ZBTB1: variants seen among roughly 807,000 people sequenced by gnomAD.
The protein encoded by ZBTB1 is zinc finger and BTB domain-containing protein 1.
In ZBTB1, 13 loss-of-function variants were observed where a neutral mutation model predicts 51.6. That is an observed-to-expected ratio of 0.25 (90% CI 0.16 to 0.40). The LOEUF (loss-of-function observed/expected upper bound fraction) is 0.40. ZBTB1 is among the 10% of genes least tolerant of loss of function. ZBTB1 has a pLI of 1.00. For synonymous variants in ZBTB1, 240 were observed against 282.2 expected (o/e 0.85, Z 1.50); for missense variants, 567 against 856.5 (o/e 0.66, Z 4.22).
chr14:64,520,028 G>A (rs2079843902), intron 1 of ZBTB1, among the ~76,000 whole-genome samples: 2 of 151,906 alleles, frequency 1.3e-5, no homozygotes, highest in Non-Finnish European at 2.9e-5. Context: ...TTGAAACGGA[G>A]TCTCGCTCTG....
chr14:64,527,034 A>G (rs1351005827), downstream of ZBTB1, among the ~76,000 whole-genome samples: 1 of 152,094 alleles, frequency 6.6e-6, no homozygotes, highest in African/African-American at 2.4e-5. Flanking sequence ...TGACAGAGTG[A>G]GACTCCATCT....
chr14:64,524,682 ATGTCT>A lies in ZBTB1; in HGVS notation c.*1040_*1044del. The A allele has an allele frequency of 3.0e-6, 3 of 985,122 alleles. No individual in the cohort carries two copies. The highest frequency in any genetic ancestry group is 4.7e-5 in the South Asian group (1 of 21,290). 61.0% of individuals were successfully genotyped at this position (985,122 alleles called of 1,614,324 possible). On this transcript the variant is annotated 3_prime_UTR_variant, in exon 2 of 2. Coordinates refer to ENST00000683701, the MANE Select transcript of ZBTB1 (RefSeq NM_001123329.2). ...CTATAAAAGTAGAGTGCACAAAAAA[ATGTCT>A]TGTGTTTTATACTGTCTAAGATTTG...
chr14:64,504,546 G>A (rs1566626754), upstream of ZBTB1: 2 of 183,734 alleles, frequency 1.1e-5, no homozygotes, highest in Admixed American at 6.2e-5. Flanking sequence ...CCCGCGGTGC[G>A]GGTTGCGCCA....
chr14:64,527,470 G>T (rs2079912088), downstream of ZBTB1, among the ~76,000 whole-genome samples: 1 of 152,146 alleles, frequency 6.6e-6, no homozygotes, highest in South Asian at 2.1e-4. Context: ...AATTAGCCAG[G>T]CATGTTGGCA....
At chr14:64,508,898 C>T (rs1475769267) in intron 1 of ZBTB1, among the ~76,000 whole-genome samples, 1 of 152,200 alleles carries the variant, frequency 6.6e-6, no homozygotes, top group East Asian at 1.9e-4. Context: ...TGAGATACTG[C>T]CCTGATGTCA....
At chr14:64,506,891 C>A (rs1291073861) in intron 1 of ZBTB1, among the ~76,000 whole-genome samples, 1 of 152,198 alleles carries the variant, frequency 6.6e-6, no homozygotes, top group Non-Finnish European at 1.5e-5. Flanking sequence ...TTGCTCTTGA[C>A]CTTGTGCTTT....
chr14:64,508,053 G>A (rs1054248722), intron 1 of ZBTB1, among the ~76,000 whole-genome samples: 12 of 152,176 alleles, frequency 7.9e-5, no homozygotes, highest in African/African-American at 2.7e-4. Context: ...GGGAGGAAGC[G>A]GCAGGGTCTC....
exon 3 of ZBTB1, chr14:64,533,622 G>A (rs2079960004): frequency 6.6e-6 from 1 of 152,368 alleles, no homozygotes; most frequent in African/African-American, 2.4e-5. Flanking sequence ...TTGGGTTAAA[G>A]TACTTTTATT....
At chr14:64,531,573 C>G (rs780534253) in intron 2 of ZBTB1, among the ~76,000 whole-genome samples, 2 of 152,178 alleles carry the variant, frequency 1.3e-5, no homozygotes, top group East Asian at 3.8e-4. Flanking sequence ...TTCCTCCCTA[C>G]TTTCCTCTAT....
intron 1 of ZBTB1, among the ~76,000 whole-genome samples, chr14:64,506,728 C>G (rs1238042739): frequency 1.3e-5 from 2 of 152,180 alleles, no homozygotes; most frequent in African/African-American, 4.8e-5. Context: ...GTTGAACAGT[C>G]TTTCCTGAAG....
At chr14:64,518,264 C>T (rs2079816789) in intron 1 of ZBTB1, 1 of 152,192 alleles carries the variant, frequency 6.6e-6, no homozygotes, top group Non-Finnish European at 1.5e-5. Flanking sequence ...TTTGTGCATA[C>T]ATTGCTTTTT....
At position 64,523,745 on chromosome 14, in the gene ZBTB1, AGAAACAAATTT is replaced by A; in HGVS notation, c.*100_*110del. On this transcript the variant is annotated 3_prime_UTR_variant, in exon 2 of 2. Transcript: ENST00000683701. This position sits in a 1 kb window ranked among gnomAD's most constrained non-coding sequence, Gnocchi z 4.5. ...AATTGATTATATAAGATGATTTGTT[AGAAACAAATTT>A]CAAGGCCCTTTTAACTTTAATATTT... 1 of 1,372,360 alleles carries A rather than the reference AGAAACAAATTT, an allele frequency of 7.3e-7. No individual in the cohort carries two copies. Among genetic ancestry groups the A allele is most frequent in the African/African-American group, 1.5e-5 (1 of 68,158 alleles). The allele number at this position is 1,372,360 out of a possible 1,614,324, so 85.0% of individuals were successfully genotyped here.
chr14:64,519,350 G>A (rs375955057), intron 1 of ZBTB1, among the ~76,000 whole-genome samples: 12 of 150,990 alleles, frequency 7.9e-5, no homozygotes, highest in Admixed American at 3.3e-4. Context: ...GGTTTTCACC[G>A]TGTTGGCCAG....
chr14:64,515,861 A>G (rs1596691818), intron 1 of ZBTB1, among the ~76,000 whole-genome samples: 1 of 152,298 alleles, frequency 6.6e-6, no homozygotes, highest in African/African-American at 2.4e-5. Flanking sequence ...GAGATAAGCT[A>G]AAAGTCTCAC....
exon 3 of ZBTB1, chr14:64,532,633 A>AAT (rs1246636871): frequency 6.6e-6 from 1 of 152,104 alleles, no homozygotes; most frequent in Non-Finnish European, 1.5e-5. Flanking sequence ...CAGACACATT[A>AAT]TTTTCTTCTG....
At chr14:64,509,670 T>G (rs2079702834) in intron 1 of ZBTB1, among the ~76,000 whole-genome samples, 1 of 152,130 alleles carries the variant, frequency 6.6e-6, no homozygotes, top group Non-Finnish European at 1.5e-5. Flanking sequence ...ACAATTTTTT[T>G]TAAAATGTGT....
chr14:64,504,739 A>G (rs531008613), upstream of ZBTB1: 83 of 373,684 alleles, frequency 2.2e-4, no homozygotes, highest in Non-Finnish European at 6.7e-5. Flanking sequence ...GCGGTGCGGC[A>G]GGCGCGGCTG....
chr14:64,510,351 G>T (rs1449260881), intron 1 of ZBTB1, among the ~76,000 whole-genome samples: 2 of 152,198 alleles, frequency 1.3e-5, no homozygotes, highest in Non-Finnish European at 2.9e-5. Context: ...AGGCAGTCTG[G>T]TTAGTTTGTG....
At chr14:64,532,596 C>T (rs1374468680) in exon 3 of ZBTB1, 2 of 152,088 alleles carry the variant, frequency 1.3e-5, no homozygotes, top group South Asian at 2.1e-4. Flanking sequence ...AATGGTATTA[C>T]TTCAATAGTG....
Sources: gnomAD v4.1 joint callset for allele counts (sites outside exome capture counted in the v4.1 genomes callset) on GRCh38, gnomAD v4.1.1 for gene constraint, Gnocchi (gnomAD v3.1) non-coding constraint, MANE v1.5 for transcripts, NCBI Gene and HGNC (gene_info 2026-07-23, HGNC 2026-07-21) for gene names.